Variants in ASB3 observed in about 807,000 individuals in gnomAD.
ASB3 encodes the protein ankyrin repeat and SOCS box protein 3.
A neutral mutation model predicts 54.5 loss-of-function variants in ASB3; 41 were observed. That is an observed-to-expected ratio of 0.75 (90% CI 0.59 to 0.98). The LOEUF is 0.98. Among genes scored for constraint, ASB3 ranks in the 50% least tolerant of loss-of-function variants. ASB3 has a pLI of 0.00. For synonymous variants in ASB3, 266 were observed against 221.2 expected (o/e 1.20, Z -1.80); for missense variants, 733 against 620.0 (o/e 1.18, Z -1.94).
intron 3 of ASB3, among the ~76,000 whole-genome samples, chr2:53,743,284 C>T (rs913759471): frequency 2.0e-5 from 3 of 151,300 alleles, no homozygotes; most frequent in Non-Finnish European, 2.9e-5. Context: ...GGAATACACG[C>T]GTGAGCAACA....
At chr2:53,716,830 T>C (rs2103846862) in intron 5 of ASB3, 87 bp from the exon 6 acceptor site, 1 of 1,414,500 alleles carries the variant, frequency 7.1e-7, no homozygotes, top group East Asian at 2.4e-5. Flanking sequence ...CATAAAAGGG[T>C]TTCGTAGCAC....
At chr2:53,671,486 G>A (rs1335077164) in intron 9 of ASB3, among the ~76,000 whole-genome samples, 1 of 152,096 alleles carries the variant, frequency 6.6e-6, no homozygotes, top group African/African-American at 2.4e-5. Context: ...TAGGCCAGGC[G>A]CGGTGGCTCA....
At chr2:53,752,056 G>T (rs1055171627) in intron 2 of ASB3, among the ~76,000 whole-genome samples, 1 of 152,032 alleles carries the variant, frequency 6.6e-6, no homozygotes, top group Non-Finnish European at 1.5e-5. Flanking sequence ...GAAAACCTAG[G>T]AACACAAAGA....
chr2:53,782,712 C>G (rs1297504430), intron 1 of ASB3, among the ~76,000 whole-genome samples: 1 of 152,124 alleles, frequency 6.6e-6, no homozygotes, highest in Non-Finnish European at 1.5e-5. Flanking sequence ...AGAGGCAACT[C>G]GTTTCTTGCA....
chr2:53,696,661 C>T (rs989181293), intron 8 of ASB3, among the ~76,000 whole-genome samples: 3 of 152,192 alleles, frequency 2.0e-5, no homozygotes. Context: ...TAGCCCTCCA[C>T]ATCCTAAGAG....
chr2:53,749,871 T>G (rs1382211753), intron 3 of ASB3, among the ~76,000 whole-genome samples: 5 of 152,042 alleles, frequency 3.3e-5, no homozygotes, highest in African/African-American at 1.2e-4. Flanking sequence ...ATTACAGAAT[T>G]TTATGAATAC....
chr2:53,701,651 T>C (rs1377260867), intron 7 of ASB3, among the ~76,000 whole-genome samples: 2 of 152,196 alleles, frequency 1.3e-5, no homozygotes, highest in East Asian at 3.8e-4. Flanking sequence ...TTATACAGTA[T>C]ACAGTGAGCC....
At chr2:53,708,457 C>T (rs1047046774) in intron 7 of ASB3, among the ~76,000 whole-genome samples, 6 of 152,028 alleles carry the variant, frequency 3.9e-5, no homozygotes, top group African/African-American at 9.7e-5. Context: ...AATGCAAGAA[C>T]GAACTAATAC....
In ASB3 at chr2:53,714,464, G is replaced by A; in HGVS notation, c.900C>T (p.Leu300=). The A allele has an allele frequency of 6.2e-7, 1 of 1,614,220 alleles. No individual in the cohort carries two copies. The highest frequency in any genetic ancestry group is 1.3e-5 in the African/African-American group (1 of 75,076). The change falls in exon 7 of 10, where the codon CTC becomes CTT. Residue 300 remains leucine (L), a synonymous_variant. Coordinates refer to ENST00000263634, the MANE Select transcript of ASB3 (RefSeq NM_016115.5). Reference sequence around the variant, plus strand: ...GGGCGTCTGGGCTGTAGCCATTCCGGAGTAATATTTCTAGGCAATCTTCAT... The same window carrying A: ...GGGCGTCTGGGCTGTAGCCATTCCGAAGTAATATTTCTAGGCAATCTTCAT... ...GGHEDCLEIL[L]RNGYSPDAQA...
At chr2:53,704,970 T>G (rs1317792358) in intron 7 of ASB3, among the ~76,000 whole-genome samples, 1 of 152,222 alleles carries the variant, frequency 6.6e-6, no homozygotes, top group Non-Finnish European at 1.5e-5. Context: ...CTAGATGAGA[T>G]AAGTGACTAT....
intron 9 of ASB3, among the ~76,000 whole-genome samples, chr2:53,671,999 T>C (rs908607025): frequency 2.6e-5 from 4 of 152,188 alleles, no homozygotes; most frequent in African/African-American, 9.7e-5. Context: ...ATTCCAGGTA[T>C]AGGGTTCTTT....
At chr2:53,760,909 T>G (rs1399527245) in intron 2 of ASB3, among the ~76,000 whole-genome samples, 1 of 152,156 alleles carries the variant, frequency 6.6e-6, no homozygotes, top group African/African-American at 2.4e-5. Context: ...AGTCCATGAC[T>G]AAGATCTACC....
chr2:53,737,574 T>C (rs1671710537), intron 3 of ASB3, among the ~76,000 whole-genome samples: 1 of 152,064 alleles, frequency 6.6e-6, no homozygotes, highest in Non-Finnish European at 1.5e-5. Flanking sequence ...TGAGGGGCCA[T>C]GGAACTCCTA....
rs1669041137 is a variant in ASB3, at chr2:53,693,783, T to C, written c.1369+101A>G. 15 of 1,471,944 alleles carry C rather than the reference T, an allele frequency of 1.0e-5. 1 individual carries two copies. In the South Asian group the frequency reaches 2.1e-4, roughly 20 times the overall value. The allele number at this position is 1,471,944 out of a possible 1,614,324, so 91.2% of individuals were successfully genotyped here. A position where few individuals can be genotyped will look rare whatever the true frequency, so the allele number is the denominator to read the frequency against. ...TAAGAAAATGCAAATTATGTCTAAT[T>C]TGTGTTCACCGATGAATCTTATCAC... On this transcript the variant is annotated intron_variant, in intron 9 of 9. Transcript: ENST00000263634.
Position 53,731,475 on chromosome 2 carries a change from T to G in ASB3, c.356-1905A>C, listed in dbSNP as rs555241487. ...TGAAGGGTTTCAGAAATGTAACCAA[T>G]GGCTGTGACAGTACCACTGAGGTAG... On this transcript the variant is annotated intron_variant, in intron 3 of 9. Transcript: ENST00000263634. Among the ~76,000 whole-genome samples, 261 of 152,156 alleles carry G rather than the reference T, an allele frequency of 1.7e-3. 1 individual carries two copies. The highest frequency in any genetic ancestry group is 5.9e-3 in the African/African-American group (247 of 41,528).
At chr2:53,704,414 G>A (rs1389396615) in intron 7 of ASB3, among the ~76,000 whole-genome samples, 1 of 150,188 alleles carries the variant, frequency 6.7e-6, no homozygotes, top group Non-Finnish European at 1.5e-5. Flanking sequence ...TTAAAATTAA[G>A]ATTATATTCA....
intron 2 of ASB3, among the ~76,000 whole-genome samples, chr2:53,755,455 T>C (rs544885046): frequency 1.8e-4 from 28 of 152,340 alleles, no homozygotes; most frequent in African/African-American, 6.7e-4. Flanking sequence ...GTAGAGGAGA[T>C]AGGTTAAGTA....
In ASB3 at chr2:53,729,539, C is replaced by T; in HGVS notation, c.387G>A (p.Arg129=). ...CATTTGCTCCGTGTTGAAGCAACAG[C>T]CTTAACACATCTATCTGTCCATTTT... ...AVENGQIDVL[R]LLLQHGANVN... Residue 129 remains arginine, a synonymous_variant, in exon 4 of 10, where the codon AGG becomes AGA. Coordinates refer to ENST00000263634, the MANE Select transcript of ASB3 (RefSeq NM_016115.5). 6.2e-7 allele frequency: 1 copy of T among 1,613,876 alleles called. No individual in the cohort carries two copies. Among genetic ancestry groups the T allele is most frequent in the Non-Finnish European group, 8.5e-7 (1 of 1,179,818 alleles).
At chr2:53,740,347 CT>C (rs1671868002) in intron 3 of ASB3, among the ~76,000 whole-genome samples, 1 of 152,176 alleles carries the variant, frequency 6.6e-6, no homozygotes, top group Non-Finnish European at 1.5e-5. Flanking sequence ...CAGTATTTCT[CT>C]GGTCCTGTGT....
Sources: allele counts gnomAD v4.1 joint callset (sites outside exome capture counted in the v4.1 genomes callset), GRCh38; gene constraint gnomAD v4.1.1; transcripts MANE v1.5; gene names NCBI Gene and HGNC (gene_info 2026-07-23, HGNC 2026-07-21).